CTNNA2: variants seen among roughly 807,000 people sequenced by gnomAD.
CTNNA2 encodes catenin alpha 2, also known as catenin alpha-2.
Under a neutral mutation model 101.0 loss-of-function variants are expected in CTNNA2, and 42 were observed. The observed-to-expected ratio is 0.42, with a 90% CI of 0.32 to 0.54. The LOEUF is 0.54. CTNNA2 is among the 20% of genes least tolerant of loss of function. CTNNA2 has a pLI of 0.14. For synonymous variants in CTNNA2, 450 were observed against 456.4 expected, an observed-to-expected ratio of 0.99 and a Z score of 0.18; for missense variants, 871 against 1,223.1, an observed-to-expected ratio of 0.71 and a Z score of 4.29.
intron 1 of CTNNA2, among the ~76,000 whole-genome samples, chr2:79,623,930 T>C (rs1217416326): frequency 6.6e-6 from 1 of 152,320 alleles, no homozygotes; most frequent in African/African-American, 2.4e-5. Flanking sequence ...GTAGTAGCTC[T>C]GTAACTTGAC....
At chr2:79,803,432 A>G (rs1017317634) in intron 3 of CTNNA2, among the ~76,000 whole-genome samples, 1 of 152,234 alleles carries the variant, frequency 6.6e-6, no homozygotes, top group Admixed American at 6.5e-5. Context: ...TGACTAACTA[A>G]AAGTATCCCT....
At chr2:79,834,388 A>G (rs1473615727) in intron 3 of CTNNA2, among the ~76,000 whole-genome samples, 2 of 152,142 alleles carry the variant, frequency 1.3e-5, no homozygotes, top group Admixed American at 6.5e-5. Flanking sequence ...CACTCCTCCC[A>G]GTAGGATATG....
intron 7 of CTNNA2, among the ~76,000 whole-genome samples, chr2:80,067,035 A>G (rs116977969): frequency 0.016 from 2,444 of 152,316 alleles, 32 homozygotes; most frequent in Admixed American, 0.036. Context: ...ATCTAAAAAA[A>G]TAGAACTCAT....
chr2:80,433,908 A>G (rs1383039597), intron 9 of CTNNA2, among the ~76,000 whole-genome samples: 1 of 152,148 alleles, frequency 6.6e-6, no homozygotes, highest in Non-Finnish European at 1.5e-5. Context: ...TCTTGGTTTG[A>G]TTTTTGCCTG....
At chr2:79,545,607 G>A (rs986274474) in intron 1 of CTNNA2, among the ~76,000 whole-genome samples, 1 of 152,050 alleles carries the variant, frequency 6.6e-6, no homozygotes, top group African/African-American at 2.4e-5. Context: ...TGTGTAGTTG[G>A]GGGATGTTGT....
chr2:79,625,615 A>G (rs1679254934), intron 1 of CTNNA2, among the ~76,000 whole-genome samples: 1 of 152,216 alleles, frequency 6.6e-6, no homozygotes, highest in Non-Finnish European at 1.5e-5. Flanking sequence ...GGAAGCATCC[A>G]GTTTCTCAGG....
chr2:79,605,554 G>GA (rs1230671151), intron 1 of CTNNA2, among the ~76,000 whole-genome samples: 5 of 151,964 alleles, frequency 3.3e-5, no homozygotes, highest in African/African-American at 4.8e-5. Flanking sequence ...AGTCAGAGGG[G>GA]AAAAATACAT....
At chr2:79,305,231 TACAC>T (rs141487181) in intron 2 of CTNNA2, among the ~76,000 whole-genome samples, 1 of 150,284 alleles carries the variant, frequency 6.7e-6, no homozygotes, top group African/African-American at 2.4e-5. Context: ...AATATATATA[TACAC>T]ACACACACAC....
chr2:80,020,293 G>T (rs1488188418), intron 7 of CTNNA2, among the ~76,000 whole-genome samples: 1 of 152,192 alleles, frequency 6.6e-6, no homozygotes, highest in Non-Finnish European at 1.5e-5. Flanking sequence ...AAGGCCTATT[G>T]TATACAAGGG....
chr2:80,042,900 G>A (rs901325098), intron 7 of CTNNA2, among the ~76,000 whole-genome samples: 3 of 152,106 alleles, frequency 2.0e-5, no homozygotes, highest in Non-Finnish European at 1.5e-5. Context: ...TTGAGACTGG[G>A]GTTGAGACTT....
At chr2:79,882,781 C>A (rs1193537151) in intron 6 of CTNNA2, among the ~76,000 whole-genome samples, 1 of 152,248 alleles carries the variant, frequency 6.6e-6, no homozygotes, top group Non-Finnish European at 1.5e-5. Flanking sequence ...AGCTGAGATG[C>A]TGCTGAGAAT....
At chr2:80,628,226 C>T (rs531859549) in intron 18 of CTNNA2, among the ~76,000 whole-genome samples, 1 of 152,048 alleles carries the variant, frequency 6.6e-6, no homozygotes, top group Non-Finnish European at 1.5e-5. Flanking sequence ...CCCCATCAAG[C>T]TACCATTGAC....
intron 1 of CTNNA2, among the ~76,000 whole-genome samples, chr2:79,605,108 G>A (rs774059383): frequency 1.3e-5 from 2 of 152,168 alleles, no homozygotes; most frequent in Non-Finnish European, 2.9e-5. Context: ...ATAGCTTTAT[G>A]ACTGTATTCT....
chr2:79,579,154 C>CT (rs1170021803), intron 1 of CTNNA2, among the ~76,000 whole-genome samples: 8 of 143,972 alleles, frequency 5.6e-5, no homozygotes, highest in Non-Finnish European at 1.2e-4. Context: ...CTTTCCTTCT[C>CT]TTTTTTCTTT....
At chr2:79,750,982 T>C (rs1489451877) in intron 3 of CTNNA2, among the ~76,000 whole-genome samples, 1 of 152,158 alleles carries the variant, frequency 6.6e-6, no homozygotes, top group African/African-American at 2.4e-5. Flanking sequence ...TTACCCAGCC[T>C]GACATTCTGC....
intron 7 of CTNNA2, among the ~76,000 whole-genome samples, chr2:79,990,659 T>G (rs1692107189): frequency 6.6e-6 from 1 of 152,222 alleles, no homozygotes; most frequent in African/African-American, 2.4e-5. Context: ...TACTATTACA[T>G]TTTATGAAAA....
chr2:80,407,758 A>G (rs1176916327), intron 8 of CTNNA2, among the ~76,000 whole-genome samples: 1 of 152,200 alleles, frequency 6.6e-6, no homozygotes, highest in Non-Finnish European at 1.5e-5. Context: ...GGGAATGTGG[A>G]GTAATCATTG....
intron 7 of CTNNA2, among the ~76,000 whole-genome samples, chr2:80,069,467 GA>G (rs1188891542): frequency 2.0e-5 from 3 of 152,024 alleles, no homozygotes; most frequent in Non-Finnish European, 4.4e-5. Context: ...AAAAATAATA[GA>G]AATTTATAAT....
At chr2:80,556,511 G>A (rs1693045638) in intron 12 of CTNNA2, among the ~76,000 whole-genome samples, 2 of 152,152 alleles carry the variant, frequency 1.3e-5, no homozygotes, top group African/African-American at 4.8e-5. Flanking sequence ...GCATGTGGCT[G>A]CTCACAGGAC....
Sources: allele counts gnomAD v4.1 joint callset (sites outside exome capture counted in the v4.1 genomes callset), GRCh38; gene constraint gnomAD v4.1.1; transcripts MANE v1.5; gene names NCBI Gene and HGNC (gene_info 2026-07-23, HGNC 2026-07-21).